The following CDH23 variants were observed in gnomAD, a reference collection of about 807,000 sequenced individuals.
CDH23 encodes cadherin-23.
Under a neutral mutation model 317.1 loss-of-function variants are expected in CDH23, and 189 were observed. The observed-to-expected ratio is 0.60, with a 90% CI of 0.53 to 0.67. CDH23 has a LOEUF of 0.67. Among genes scored for constraint, CDH23 ranks in the 30% least tolerant of loss-of-function variants. The probability of loss-of-function intolerance (pLI) is 0.00; values close to 1 mark genes in which losing one functional copy is unlikely to be tolerated. For synonymous variants in CDH23, 1,839 were observed against 1,876.8 expected, an observed-to-expected ratio of 0.98 and a Z score of 0.52; for missense variants, 4,401 against 4,592.4, an observed-to-expected ratio of 0.96 and a Z score of 1.20.
At chr10:71,586,194 G>A (rs982531389) in intron 9 of CDH23, among the ~76,000 whole-genome samples, 7 of 152,210 alleles carry the variant, frequency 4.6e-5, no homozygotes, top group Non-Finnish European at 2.9e-5. Flanking sequence ...GGGTTGGGGG[G>A]TTTCTAGCTC....
intron 1 of CDH23, among the ~76,000 whole-genome samples, chr10:71,410,805 T>C (rs1316418932): frequency 6.6e-6 from 1 of 152,232 alleles, no homozygotes; most frequent in Non-Finnish European, 1.5e-5. Context: ...CTGTTGCGTA[T>C]AGTTAATGTG....
intron 18 of CDH23, among the ~76,000 whole-genome samples, chr10:71,686,544 G>A (rs570512244): frequency 2.6e-5 from 4 of 152,236 alleles, no homozygotes; most frequent in African/African-American, 9.6e-5. Context: ...TTTCATGGCT[G>A]CTCTGTCAGC....
At chr10:71,591,362 A>G (rs1859482426) in intron 9 of CDH23, among the ~76,000 whole-genome samples, 2 of 152,232 alleles carry the variant, frequency 1.3e-5, no homozygotes, top group Admixed American at 1.3e-4. Flanking sequence ...CATTTCTGTC[A>G]GTTCTACCCA....
chr10:71,806,637 T>C (rs1841735715), intron 57 of CDH23, among the ~76,000 whole-genome samples: 3 of 151,108 alleles, frequency 2.0e-5, no homozygotes, highest in Admixed American at 6.6e-5. Context: ...TGGAGTGCAG[T>C]GGCATGACCT....
At chr10:71,546,038 C>T (rs1286224319) in intron 6 of CDH23, among the ~76,000 whole-genome samples, 1 of 152,112 alleles carries the variant, frequency 6.6e-6, no homozygotes, top group African/African-American at 2.4e-5. Context: ...CCAAGTTTGC[C>T]CATCCAAGGA....
At chr10:71,587,582 C>T (rs535740362) in intron 9 of CDH23, among the ~76,000 whole-genome samples, 2 of 152,336 alleles carry the variant, frequency 1.3e-5, no homozygotes, top group African/African-American at 4.8e-5. Context: ...CCTAGGAAGG[C>T]ATCTAGGAAG....
chr10:71,492,618 A>G (rs1852725095), intron 3 of CDH23, among the ~76,000 whole-genome samples: 1 of 151,988 alleles, frequency 6.6e-6, no homozygotes, highest in Non-Finnish European at 1.5e-5. Context: ...GGTCACTCTC[A>G]TTTTTTCATT....
intron 3 of CDH23, among the ~76,000 whole-genome samples, chr10:71,459,403 C>T (rs80005222): frequency 0.056 from 8,466 of 152,120 alleles, 760 homozygotes; most frequent in African/African-American, 0.19. Flanking sequence ...TATTTTAAAC[C>T]GTGCTTGGCA....
At chr10:71,404,429 C>T (rs534835690) in intron 1 of CDH23, among the ~76,000 whole-genome samples, 2 of 152,368 alleles carry the variant, frequency 1.3e-5, no homozygotes, top group South Asian at 4.1e-4. Flanking sequence ...CTTTGGACCC[C>T]ACTTTATTCA....
intron 9 of CDH23, among the ~76,000 whole-genome samples, chr10:71,605,435 C>T (rs1860475038): frequency 6.6e-6 from 1 of 152,112 alleles, no homozygotes; most frequent in African/African-American, 2.4e-5. Flanking sequence ...GGGTAGAGGC[C>T]AGGGGTGCTG....
chr10:71,546,397 G>GCT (rs1343798851), intron 6 of CDH23, among the ~76,000 whole-genome samples: 3 of 152,338 alleles, frequency 2.0e-5, no homozygotes, highest in Non-Finnish European at 2.9e-5. Flanking sequence ...GGTGAGCAAG[G>GCT]CAGTTGTGGA....
chr10:71,679,826 C>T lies in CDH23; in HGVS notation c.1858+334C>T, dbSNP rs16929205. Among the ~76,000 whole-genome samples the T allele has an allele frequency of 0.051, 7,783 of 152,280 alleles. 462 individuals carry two copies. The highest frequency in any genetic ancestry group is 0.18 in the East Asian group (913 of 5,188). On this transcript the variant is annotated intron_variant, in intron 17 of 69. Coordinates refer to ENST00000224721, the MANE Select transcript of CDH23 (RefSeq NM_022124.6). ...CAGGCAGGTCCGTGGGATGGAAGCT[C>T]TTTAGCCAAGACTCCCTACTTTTTG...
At chr10:71,741,673 G>A (rs1171538458) in intron 37 of CDH23, 21 bp from the exon 38 acceptor site, 1 of 1,585,268 alleles carries the variant, frequency 6.3e-7, no homozygotes, top group African/African-American at 1.3e-5. Context: ...CAGAATGACT[G>A]CTCTCCTGCT....
chr10:71,590,867 T>A (rs1859420776), intron 9 of CDH23, among the ~76,000 whole-genome samples: 2 of 115,510 alleles, frequency 1.7e-5, no homozygotes, highest in African/African-American at 7.1e-5. Flanking sequence ...AGTGAGACCC[T>A]GTCTCTAAAA....
At chr10:71,668,245 G>A (rs575503544) in intron 14 of CDH23, among the ~76,000 whole-genome samples, 45 of 152,238 alleles carry the variant, frequency 3.0e-4, no homozygotes, top group African/African-American at 1.0e-3. Context: ...CTGGGAGCCC[G>A]CTCTTTCCAA....
intron 38 of CDH23, among the ~76,000 whole-genome samples, chr10:71,743,706 C>CCACCCCACTG (rs1458451133): frequency 6.6e-6 from 1 of 152,182 alleles, no homozygotes; most frequent in African/African-American, 2.4e-5. Context: ...CGACATGACC[C>CCACCCCACTG]CACCCCACTG....
intron 11 of CDH23, among the ~76,000 whole-genome samples, chr10:71,631,467 TG>T (rs1464574457): frequency 2.6e-5 from 4 of 151,574 alleles, no homozygotes; most frequent in Non-Finnish European, 5.9e-5. Context: ...AAGGAGGGAG[TG>T]GAGTGTGCAG....
intron 22 of CDH23, among the ~76,000 whole-genome samples, chr10:71,700,024 T>C (rs747770054): frequency 3.9e-5 from 6 of 152,190 alleles, no homozygotes; most frequent in Admixed American, 6.5e-5. Context: ...AGGCCTGGCC[T>C]GGAACAAGTG....
At chr10:71,632,741 C>A (rs1365953343) in intron 11 of CDH23, among the ~76,000 whole-genome samples, 1 of 152,182 alleles carries the variant, frequency 6.6e-6, no homozygotes, top group Non-Finnish European at 1.5e-5. Flanking sequence ...CCCTCCACCA[C>A]CTTTGCATGC....
Sources: allele counts gnomAD v4.1 joint callset (sites outside exome capture counted in the v4.1 genomes callset), GRCh38; gene constraint gnomAD v4.1.1; transcripts MANE v1.5; gene names NCBI Gene and HGNC (gene_info 2026-07-23, HGNC 2026-07-21).